The following C2CD3 variants were observed in gnomAD, a reference collection of about 807,000 sequenced individuals.
The protein encoded by C2CD3 is C2 domain-containing protein 3.
A neutral mutation model predicts 234.0 loss-of-function variants in C2CD3; 148 were observed. The ratio of observed to expected loss-of-function variants is 0.63; its 90% CI spans 0.55 to 0.72. C2CD3 has a LOEUF of 0.72. Among genes scored for constraint, C2CD3 ranks in the 30% least tolerant of loss-of-function variants. The pLI is 0.00. For missense variants in C2CD3, 2,577 were observed against 2,811.5 expected, an observed-to-expected ratio of 0.92 and a Z score of 1.89; for synonymous variants, 1,000 against 1,035.4, an observed-to-expected ratio of 0.97 and a Z score of 0.66.
chr11:74,100,168 C>T (rs916565054), intron 15 of C2CD3, among the ~76,000 whole-genome samples: 2 of 152,174 alleles, frequency 1.3e-5, no homozygotes, highest in African/African-American at 4.8e-5. Context: ...CAGAGCCATG[C>T]TATCTTGGGT....
intron 32 of C2CD3, among the ~76,000 whole-genome samples, chr11:74,023,909 G>A (rs1489583076): frequency 1.2e-4 from 18 of 152,142 alleles, no homozygotes; most frequent in Admixed American, 1.2e-3. Context: ...ATGATTATGT[G>A]ATTTCATACC....
Position 74,028,393 on chromosome 11 carries a change from C to T in C2CD3, c.6815G>A (p.Gly2272Glu), listed in dbSNP as rs1056578921. The T allele has an allele frequency of 3.9e-6, 6 of 1,534,628 alleles. No homozygotes were observed. The highest frequency in any genetic ancestry group is 1.4e-5 in the African/African-American group (1 of 72,950). ...TSTKQSLLLP[G>E]PIVVPNFFLP... ...AAAGAAGTTGGGCACCACAATGGGC[C>T]CTGGGCTACAATGGTAGTTAAGGGA... The change falls in exon 32 of 33, where the codon GGG becomes GAG. Residue 2272 changes from glycine (G) to glutamate (E), a missense_variant. Coordinates refer to ENST00000334126, the MANE Select transcript of C2CD3 (RefSeq NM_001286577.2).
At chr11:74,158,709 C>A (rs7115407) in intron 3 of C2CD3, among the ~76,000 whole-genome samples, 42,630 of 147,224 alleles carry the variant, frequency 0.29, 6,994 homozygotes, top group African/African-American at 0.47. Flanking sequence ...ACAACAAGAG[C>A]AAAACTTCGT....
chr11:74,078,503 G>A lies in C2CD3; in HGVS notation c.4215C>T (p.Ala1405=), dbSNP rs111694080. ...DFVRMDEGEP[A]TVTISTPRLW... ...GCCTTGGGGTGGAGATGGTGACAGT[G>A]GCTGGCTCCCCTTCATCCATTCTGA... Residue 1405 remains alanine (A), a synonymous_variant, in exon 23 of 33, where the codon GCC becomes GCT. Coordinates refer to ENST00000334126, the MANE Select transcript of C2CD3 (RefSeq NM_001286577.2). 6.2e-7 allele frequency: 1 copy of A among 1,614,140 alleles called. No individual in the cohort carries two copies. The highest frequency in any genetic ancestry group is 8.5e-7 in the Non-Finnish European group (1 of 1,180,020).
At position 74,168,392 on chromosome 11, in the gene C2CD3, G is replaced by T; in HGVS notation, c.277C>A (p.Arg93Ser). ...TEPKAVRTTTRYAIRCGPKQF... is the reference protein window; with the variant it reads ...TEPKAVRTTTSYAIRCGPKQF... Reference sequence around the variant, plus strand: ...TTTGGACCACAACGAATAGCGTAACGTGTAGTTGTTCTCACAGCTTTTGGT... The same window carrying T: ...TTTGGACCACAACGAATAGCGTAACTTGTAGTTGTTCTCACAGCTTTTGGT... Residue 93 changes from arginine (R) to serine (S), a missense_variant, in exon 2 of 33, where the codon CGT becomes AGT. Coordinates refer to ENST00000334126, the MANE Select transcript of C2CD3 (RefSeq NM_001286577.2). 1 of 1,613,854 alleles carries T rather than the reference G, an allele frequency of 6.2e-7. No individual in the cohort carries two copies. The highest frequency in any genetic ancestry group is 8.5e-7 in the Non-Finnish European group (1 of 1,179,736).
intron 11 of C2CD3, among the ~76,000 whole-genome samples, chr11:74,112,093 T>C (rs1397619978): frequency 1.3e-5 from 2 of 152,164 alleles, no homozygotes; most frequent in South Asian, 2.1e-4. Flanking sequence ...GAATGGATTA[T>C]CTATTTCAAA....
At position 74,133,500 on chromosome 11, in the gene C2CD3, G is replaced by A. The variant is rs1433039385; in HGVS notation, c.1013C>T (p.Ser338Leu). The A allele has an allele frequency of 8.1e-6, 13 of 1,613,806 alleles. 1 individual carries two copies. In the East Asian group the frequency reaches 2.9e-4, roughly 36 times the overall value. The change falls in exon 6 of 33, where the codon TCA (serine) becomes TTA (leucine). Residue 338 changes from serine to leucine, a missense_variant. Coordinates refer to ENST00000334126, the MANE Select transcript of C2CD3 (RefSeq NM_001286577.2). ...RNAMVISAMK[S>L]SPETSMLLDQ... ...CAACAACATGCTGGTCTCTGGGCTTGATTTCATTGCAGAAATCACCATGGC... is the reference window on the plus strand; with the variant it reads ...CAACAACATGCTGGTCTCTGGGCTTAATTTCATTGCAGAAATCACCATGGC...
chr11:74,113,498 G>T, intron 11 of C2CD3: 1 of 371,342 alleles, frequency 2.7e-6, no homozygotes, highest in Non-Finnish European at 5.1e-6. Context: ...GGCCAACATG[G>T]TGAAACCCTG....
rs377328047 is a variant in C2CD3, at chr11:74,037,657, C to T, written c.5702G>A (p.Arg1901His). The T allele has an allele frequency of 2.0e-5, 32 of 1,613,808 alleles. No homozygotes were observed. The highest frequency in any genetic ancestry group is 3.3e-4 in the Middle Eastern group (2 of 6,084). The change falls in exon 30 of 33, where the codon CGC (arginine) becomes CAC (histidine). Residue 1901 changes from arginine to histidine, a missense_variant. Coordinates refer to ENST00000334126, the MANE Select transcript of C2CD3 (RefSeq NM_001286577.2). ...SELDQIQRYF[R>H]QKLTKPFLPL... ...TAGGAAAGGCTTGGTGAGCTTCTGG[C>T]GGAAGTACCTCTGAATCTGATCAAG...
chr11:74,042,515 G>T (rs1216906112), intron 28 of C2CD3, among the ~76,000 whole-genome samples: 1 of 152,136 alleles, frequency 6.6e-6, no homozygotes, highest in Non-Finnish European at 1.5e-5. Flanking sequence ...CACTTTGGGG[G>T]GCTGAGGTGG....
chr11:74,045,284 C>T (rs1953306359), intron 28 of C2CD3, among the ~76,000 whole-genome samples: 1 of 152,162 alleles, frequency 6.6e-6, no homozygotes, highest in Admixed American at 6.5e-5. Context: ...ATATTTCTAT[C>T]CTCATTCCAG....
At chr11:74,141,953 G>A (rs1958062547) in intron 3 of C2CD3, among the ~76,000 whole-genome samples, 1 of 152,070 alleles carries the variant, frequency 6.6e-6, no homozygotes, top group South Asian at 2.1e-4. Context: ...AGTGAGCTAT[G>A]ATTGTGCCAC....
At chr11:74,059,749 A>C (rs1374301849) in intron 24 of C2CD3, among the ~76,000 whole-genome samples, 1 of 152,198 alleles carries the variant, frequency 6.6e-6, no homozygotes, top group Admixed American at 6.5e-5. Context: ...CTGTATTTCC[A>C]ACTGAGGTAC....
chr11:74,113,906 A>C lies in C2CD3; in HGVS notation c.1731-14T>G, dbSNP rs201367526. The stretch of plus-strand genomic sequence containing the variant: ...ACAAAGAAAGTGCTAAAAAGAAAAA[A>C]AAAGTGATTAAAAACTAACCAAACA... On this transcript the variant is annotated splice_polypyrimidine_tract_variant and intron_variant, in intron 10 of 32. Coordinates refer to ENST00000334126, the MANE Select transcript of C2CD3 (RefSeq NM_001286577.2). The C allele has an allele frequency of 2.3e-5, 33 of 1,435,086 alleles. No individual in the cohort carries two copies. In the African/African-American group the frequency reaches 4.2e-4, roughly 18 times the overall value. 88.9% of individuals were successfully genotyped at this position (1,435,086 alleles called of 1,614,324 possible).
At chr11:74,027,692 T>C (rs1565206400) in intron 32 of C2CD3, among the ~76,000 whole-genome samples, 3 of 152,250 alleles carry the variant, frequency 2.0e-5, no homozygotes, top group South Asian at 2.1e-4. Flanking sequence ...GTATCCAGCA[T>C]GACACCTGAT....
Position 74,033,941 on chromosome 11 carries a change from G to C in C2CD3, c.6219C>G (p.Thr2073=), listed in dbSNP as rs887938233. The change falls in exon 31 of 33, where the codon ACC becomes ACG. Residue 2073 remains threonine, a synonymous_variant. Transcript: ENST00000334126. ...DYEEDIIEPR[T]LNEITTVTDK... ...CTGTCACCGTGGTGATCTCATTTAA[G>C]GTCCTGGGCTCAATGATGTCTTCTT... is the stretch of plus-strand genomic sequence containing the variant. 1 of 1,536,214 alleles carries C rather than the reference G, an allele frequency of 6.5e-7. No homozygotes were observed. Among genetic ancestry groups the C allele is most frequent in the South Asian group, 1.2e-5 (1 of 84,060 alleles).
Position 74,048,327 on chromosome 11 carries a change from G to GTATA in C2CD3, c.5369_5372dup (p.Ser1792IlefsTer10). 1.9e-6 allele frequency: 3 copies of GTATA among 1,613,530 alleles called. No individual in the cohort carries two copies. The highest frequency in any genetic ancestry group is 2.5e-6 in the Non-Finnish European group (3 of 1,179,596). ...CAGAGGCAGGGAAGGAAAAGGGACT[G>GTATA]TATATTGGGATCTGTAAACACAACA... On this transcript the variant is annotated frameshift_variant, in exon 28 of 33. Transcript: ENST00000334126. LOFTEE classifies it high-confidence loss of function.
intron 24 of C2CD3, among the ~76,000 whole-genome samples, chr11:74,073,037 G>C (rs1465062403): frequency 6.6e-6 from 1 of 152,108 alleles, no homozygotes; most frequent in South Asian, 2.1e-4. Flanking sequence ...AAAAGAGAAG[G>C]GTGACGGCAA....
intron 8 of C2CD3, among the ~76,000 whole-genome samples, chr11:74,122,553 C>T (rs1241255094): frequency 6.6e-6 from 1 of 152,186 alleles, no homozygotes; most frequent in African/African-American, 2.4e-5. Context: ...AAAACCAGAG[C>T]TGCCAGAAAA....
Sources: gnomAD v4.1 joint callset for allele counts (sites outside exome capture counted in the v4.1 genomes callset) on GRCh38, gnomAD v4.1.1 for gene constraint, MANE v1.5 for transcripts, NCBI Gene and HGNC (gene_info 2026-07-23, HGNC 2026-07-21) for gene names.